CBFA2T2: variants seen among roughly 807,000 people sequenced by gnomAD.
CBFA2T2 encodes protein CBFA2T2.
A neutral mutation model predicts 62.2 loss-of-function variants in CBFA2T2; 11 were observed. The ratio of observed to expected loss-of-function variants is 0.18; its 90% CI spans 0.11 to 0.29. CBFA2T2 has a LOEUF of 0.29. Among genes scored for constraint, CBFA2T2 ranks in the 10% least tolerant of loss-of-function variants. CBFA2T2 has a pLI of 1.00. For missense variants in CBFA2T2, 592 were observed against 774.1 expected (o/e 0.76, Z 2.79); for synonymous variants, 295 against 287.5 (o/e 1.03, Z -0.27).
intron 1 of CBFA2T2, among the ~76,000 whole-genome samples, chr20:33,594,866 T>A: frequency 6.6e-6 from 1 of 152,214 alleles, no homozygotes; most frequent in East Asian, 1.9e-4. Context: ...GGCAAGATGC[T>A]AATCAAATTT....
intron 1 of CBFA2T2, among the ~76,000 whole-genome samples, chr20:33,556,476 ATCC>A (rs774583044): frequency 1.6e-4 from 25 of 152,190 alleles, no homozygotes; most frequent in Non-Finnish European, 2.9e-4. Context: ...AAAAATTACT[ATCC>A]TCTTTGTGAT....
intron 1 of CBFA2T2, among the ~76,000 whole-genome samples, chr20:33,512,134 C>A (rs761277043): frequency 6.6e-6 from 1 of 151,730 alleles, no homozygotes; most frequent in Non-Finnish European, 1.5e-5. Context: ...CTGAGATCTA[C>A]GCCACTGCAC....
At chr20:33,494,277 T>A (rs866201623) in intron 1 of CBFA2T2, among the ~76,000 whole-genome samples, 13 of 52,132 alleles carry the variant, frequency 2.5e-4, no homozygotes, top group Admixed American at 7.6e-4. Flanking sequence ...ATATATATTT[T>A]TTTTTTTTTT....
intron 1 of CBFA2T2, among the ~76,000 whole-genome samples, chr20:33,512,630 A>G (rs1244508409): frequency 1.3e-5 from 2 of 152,186 alleles, no homozygotes; most frequent in Non-Finnish European, 2.9e-5. Context: ...TGCCACAGTA[A>G]TATACCACAG....
At position 33,623,648 on chromosome 20, in the gene CBFA2T2, G is replaced by T. The variant is rs1278047351; in HGVS notation, c.692+352G>T. The T allele has an allele frequency of 6.3e-6, 4 of 636,708 alleles. No individual in the cohort carries two copies. In the Admixed American group the frequency reaches 1.0e-4, roughly 16 times the overall value. The allele number at this position is 636,708 out of a possible 1,614,324, so 39.4% of individuals were successfully genotyped here. A position where few individuals can be genotyped will look rare whatever the true frequency, so the allele number is the denominator to read the frequency against. The stretch of plus-strand genomic sequence containing the variant: ...TGTTGCCCAGGCTGGTCTCAAACTT[G>T]TGAGCTCAAGAGATCTGCCCGCCTC... On this transcript the variant is annotated intron_variant, in intron 5 of 10. Coordinates refer to ENST00000342704, the MANE Select transcript of CBFA2T2 (RefSeq NM_001032999.3).
intron 1 of CBFA2T2, among the ~76,000 whole-genome samples, chr20:33,603,738 C>T (rs2015232991): frequency 6.6e-6 from 1 of 152,152 alleles, no homozygotes; most frequent in Non-Finnish European, 1.5e-5. Context: ...ATTTAAGGTT[C>T]TCCAAGATAG....
intron 5 of CBFA2T2, among the ~76,000 whole-genome samples, chr20:33,624,236 TA>T (rs373462820): frequency 0.025 from 1,720 of 70,056 alleles, 12 homozygotes; most frequent in African/African-American, 0.046. Flanking sequence ...TTTTTAAAAG[TA>T]AAAAAAAAAA....
At chr20:33,626,211 C>T (rs868204143) in intron 6 of CBFA2T2, among the ~76,000 whole-genome samples, 2 of 152,200 alleles carry the variant, frequency 1.3e-5, no homozygotes, top group Non-Finnish European at 2.9e-5. Flanking sequence ...CTGCACTCCC[C>T]TCCTGGGCAA....
chr20:33,539,533 A>G (rs912612524), intron 1 of CBFA2T2, among the ~76,000 whole-genome samples: 3 of 152,192 alleles, frequency 2.0e-5, no homozygotes, highest in African/African-American at 7.2e-5. Flanking sequence ...GACTGGGAGT[A>G]TATCTTTGGA....
intron 1 of CBFA2T2, among the ~76,000 whole-genome samples, chr20:33,524,694 T>TAAC (rs1397156040): frequency 6.6e-6 from 1 of 152,170 alleles, no homozygotes; most frequent in Non-Finnish European, 1.5e-5. Flanking sequence ...AGAGGGGAAT[T>TAAC]AACTTTATGC....
At position 33,559,172 on chromosome 20, in the gene CBFA2T2, C is replaced by CTTTTTTTTTTTTTTTTTTTTTTTTTTT. The variant is rs376048540; in HGVS notation, c.35-47763_35-47762insTTTTTTTTTTTTTTTTTTTTTTTTTTT. On this transcript the variant is annotated intron_variant, in intron 1 of 10. Coordinates refer to ENST00000342704, the MANE Select transcript of CBFA2T2 (RefSeq NM_001032999.3). ...CAATTGCAGCTTCTTTTTTTCCTTT[C>CTTTTTTTTTTTTTTTTTTTTTTTTTTT]TTTTTTTTTTTTTTTTTTTTTCTGA... 5.7e-5 allele frequency among the ~76,000 whole-genome samples: 5 copies of CTTTTTTTTTTTTTTTTTTTTTTTTTTT among 87,622 alleles called. 1 individual carries two copies. The highest frequency in any genetic ancestry group is 3.1e-4 in the Admixed American group (2 of 6,548). The allele number at this position is 87,622 out of a possible 152,430, so 57.5% of individuals were successfully genotyped here. A position where few individuals can be genotyped will look rare whatever the true frequency, so the allele number is the denominator to read the frequency against.
intron 2 of CBFA2T2, 124 bp from the exon 3 acceptor site, chr20:33,610,970 A>G (rs1333086694): frequency 8.4e-7 from 1 of 1,196,504 alleles, no homozygotes; most frequent in Non-Finnish European, 1.2e-6. Flanking sequence ...CCAGTTTTGC[A>G]TACCTTTATA....
intron 3 of CBFA2T2, among the ~76,000 whole-genome samples, chr20:33,618,844 C>G (rs1446452393): frequency 6.6e-6 from 1 of 152,164 alleles, no homozygotes; most frequent in African/African-American, 2.4e-5. Context: ...ATTGCCTGTT[C>G]CTGAAGTGAC....
chr20:33,509,994 C>T (rs1358648962), intron 1 of CBFA2T2, among the ~76,000 whole-genome samples: 5 of 151,824 alleles, frequency 3.3e-5, no homozygotes, highest in Admixed American at 6.6e-5. Context: ...CCACAGGCCT[C>T]GGGGTGTGAT....
chr20:33,514,216 T>TTG (rs1379462588), intron 1 of CBFA2T2, among the ~76,000 whole-genome samples: 3 of 128,976 alleles, frequency 2.3e-5, no homozygotes, highest in Non-Finnish European at 5.0e-5. Flanking sequence ...GTTTTTTTTT[T>TTG]TTTTTTTTTT....
At position 33,628,578 on chromosome 20, in the gene CBFA2T2, C is replaced by T. The variant is rs879026505; in HGVS notation, c.1032+143C>T. ...CTGCTTCCCAGGTTCAAGCAATTCT[C>T]CTGCCTCTGTCTTCGGAGTAGCTGG... On this transcript the variant is annotated intron_variant, in intron 7 of 10. Transcript: ENST00000342704. 26 of 650,628 alleles carry T rather than the reference C, an allele frequency of 4.0e-5. No individual in the cohort carries two copies. The South Asian group carries it at 4.6e-4, about 11-fold the overall frequency. The allele number at this position is 650,628 out of a possible 1,614,324, so 40.3% of individuals were successfully genotyped here.
At chr20:33,563,548 G>A (rs938061283) in intron 1 of CBFA2T2, among the ~76,000 whole-genome samples, 2 of 152,000 alleles carry the variant, frequency 1.3e-5, no homozygotes, top group Admixed American at 1.3e-4. Context: ...TGTTTTTGAG[G>A]CCTTCGAATC....
intron 1 of CBFA2T2, among the ~76,000 whole-genome samples, chr20:33,547,704 TG>T (rs2012621156): frequency 6.6e-6 from 1 of 150,828 alleles, no homozygotes; most frequent in African/African-American, 2.5e-5. Context: ...TGTGTGTGTG[TG>T]TGTGTGTGTG....
At chr20:33,549,543 C>T (rs976872698) in intron 1 of CBFA2T2, among the ~76,000 whole-genome samples, 23 of 151,982 alleles carry the variant, frequency 1.5e-4, no homozygotes, top group Admixed American at 8.5e-4. Flanking sequence ...CCAGGAATAG[C>T]GAATTTATAG....
Sources: allele counts gnomAD v4.1 joint callset (sites outside exome capture counted in the v4.1 genomes callset), GRCh38; gene constraint gnomAD v4.1.1; transcripts MANE v1.5; gene names NCBI Gene and HGNC (gene_info 2026-07-23, HGNC 2026-07-21).